The following SOX6 variants were observed in gnomAD, a reference collection of about 807,000 sequenced individuals.
SOX6 encodes transcription factor SOX-6.
SOX6 carries 11 observed loss-of-function variants against 97.8 expected under a neutral mutation model. That is an observed-to-expected ratio of 0.11 (90% confidence interval 0.07 to 0.19). The LOEUF (loss-of-function observed/expected upper bound fraction) is 0.19, where lower values mean the gene tolerates loss of function less well. Among genes scored for constraint, SOX6 ranks in the 10% least tolerant of loss-of-function variants. The pLI is 1.00. For synonymous variants in SOX6, 360 were observed against 371.4 expected, an observed-to-expected ratio of 0.97 and a Z score of 0.35; for missense variants, 810 against 1,039.5, an observed-to-expected ratio of 0.78 and a Z score of 3.04.
chr11:16,586,536 C>T (rs1848095420), intron 4 of SOX6, among the ~76,000 whole-genome samples: 1 of 152,018 alleles, frequency 6.6e-6, no homozygotes, highest in African/African-American at 2.4e-5. Context: ...CAGTGAGATC[C>T]CCTGTCTCTA....
intron 2 of SOX6, among the ~76,000 whole-genome samples, chr11:16,731,738 G>A (rs927345277): frequency 6.6e-6 from 1 of 152,114 alleles, no homozygotes; most frequent in Non-Finnish European, 1.5e-5. Context: ...GGAAGTTCTG[G>A]CCAGGGCAAT....
chr11:16,087,004 A>C (rs140198123), intron 9 of SOX6, among the ~76,000 whole-genome samples: 9 of 152,340 alleles, frequency 5.9e-5, no homozygotes, highest in African/African-American at 2.2e-4. Context: ...ACAGAGCTTA[A>C]TGCCAAGAAT....
At chr11:16,337,297 TTGTA>T (rs1307892656) in intron 2 of SOX6, among the ~76,000 whole-genome samples, 1 of 152,128 alleles carries the variant, frequency 6.6e-6, no homozygotes, top group Non-Finnish European at 1.5e-5. Flanking sequence ...CACCAAAAAA[TTGTA>T]TGTAATCTGC....
intron 3 of SOX6, among the ~76,000 whole-genome samples, chr11:16,690,568 AT>A (rs1848005870): frequency 6.6e-6 from 1 of 152,218 alleles, no homozygotes; most frequent in South Asian, 2.1e-4. Flanking sequence ...TTTCTATAAC[AT>A]TTCAAAATAG....
At chr11:16,586,018 C>T (rs1332220987) in intron 4 of SOX6, among the ~76,000 whole-genome samples, 1 of 152,036 alleles carries the variant, frequency 6.6e-6, no homozygotes, top group Non-Finnish European at 1.5e-5. Context: ...AGGAAAGGTT[C>T]AAAGCTTCAG....
intron 1 of SOX6, among the ~76,000 whole-genome samples, chr11:16,347,526 A>G (rs962963437): frequency 4.6e-5 from 7 of 152,144 alleles, no homozygotes; most frequent in Non-Finnish European, 8.8e-5. Context: ...AAAGCTGTCT[A>G]AAATAATAGC....
intron 4 of SOX6, among the ~76,000 whole-genome samples, chr11:16,501,339 C>A (rs571120630): frequency 1.3e-5 from 2 of 152,248 alleles, no homozygotes; most frequent in African/African-American, 4.8e-5. Flanking sequence ...AAATGTTAGA[C>A]CTAAAACCAT....
chr11:15,982,567 C>G (rs1389300870), intron 15 of SOX6, among the ~76,000 whole-genome samples: 1 of 151,990 alleles, frequency 6.6e-6, no homozygotes, highest in Non-Finnish European at 1.5e-5. Context: ...ATAACCTACA[C>G]ACATCCCCTA....
At chr11:16,734,580 A>C (rs1390276183) in intron 2 of SOX6, among the ~76,000 whole-genome samples, 1 of 151,808 alleles carries the variant, frequency 6.6e-6, no homozygotes, top group East Asian at 1.9e-4. Flanking sequence ...TTGACCCACC[A>C]CCTCTAGATG....
At chr11:16,139,754 A>G (rs1329839831) in intron 6 of SOX6, among the ~76,000 whole-genome samples, 2 of 151,994 alleles carry the variant, frequency 1.3e-5, no homozygotes, top group African/African-American at 4.8e-5. Context: ...TCACAGAGCT[A>G]AGAAATATAT....
intron 6 of SOX6, among the ~76,000 whole-genome samples, chr11:16,137,157 C>G (rs187570956): frequency 6.6e-6 from 1 of 152,054 alleles, no homozygotes; most frequent in Non-Finnish European, 1.5e-5. Context: ...ATGTGGGGGC[C>G]GGGAGCAGTG....
At chr11:16,204,288 AT>A (rs1852013845) in intron 4 of SOX6, among the ~76,000 whole-genome samples, 1 of 152,080 alleles carries the variant, frequency 6.6e-6, no homozygotes, top group Non-Finnish European at 1.5e-5. Context: ...CTGAGAATAA[AT>A]TTTCGTATCT....
chr11:16,277,547 T>C (rs1443196679), intron 3 of SOX6, among the ~76,000 whole-genome samples: 2 of 152,166 alleles, frequency 1.3e-5, no homozygotes, highest in African/African-American at 2.4e-5. Flanking sequence ...AAGAAGCAGA[T>C]AGAATAAAAA....
chr11:15,980,324 C>G (rs1853619806), intron 15 of SOX6, among the ~76,000 whole-genome samples: 1 of 152,032 alleles, frequency 6.6e-6, no homozygotes, highest in South Asian at 2.1e-4. Flanking sequence ...GCAGTGAGCT[C>G]TCTACCCTTG....
At chr11:16,306,620 T>TTTTTCTTTTTTA (rs1330307733) in intron 3 of SOX6, among the ~76,000 whole-genome samples, 1 of 131,630 alleles carries the variant, frequency 7.6e-6, no homozygotes, top group Non-Finnish European at 1.7e-5. Flanking sequence ...TCTTTTTTTT[T>TTTTTCTTTTTTA]TTTTTTCTTT....
intron 4 of SOX6, among the ~76,000 whole-genome samples, chr11:16,562,310 A>T (rs7949601): frequency 0.034 from 5,101 of 152,220 alleles, 276 homozygotes; most frequent in African/African-American, 0.11. Flanking sequence ...AAGGAATGAC[A>T]CTGGTGAATT....
At chr11:16,146,571 C>T (rs1292196029) in intron 6 of SOX6, among the ~76,000 whole-genome samples, 4 of 152,112 alleles carry the variant, frequency 2.6e-5, no homozygotes, top group African/African-American at 9.7e-5. Flanking sequence ...AGGCAACCTA[C>T]AGAATGGGAG....
intron 13 of SOX6, among the ~76,000 whole-genome samples, chr11:15,992,032 T>C (rs1854068954): frequency 6.6e-6 from 1 of 152,232 alleles, no homozygotes. Context: ...GGACAAGGAA[T>C]TGATTTCACA....
chr11:16,398,201 C>T (rs1858419516), intron 1 of SOX6, among the ~76,000 whole-genome samples: 1 of 151,568 alleles, frequency 6.6e-6, no homozygotes, highest in African/African-American at 2.4e-5. Flanking sequence ...CTAGGATCAG[C>T]TTAAGCTTAC....
Sources: allele counts gnomAD v4.1 joint callset (sites outside exome capture counted in the v4.1 genomes callset), GRCh38; gene constraint gnomAD v4.1.1; transcripts MANE v1.5; gene names NCBI Gene and HGNC (gene_info 2026-07-23, HGNC 2026-07-21).